The following GALNT13 variants were observed in gnomAD, a reference collection of about 807,000 sequenced individuals.
GALNT13 encodes the protein polypeptide N-acetylgalactosaminyltransferase 13.
A neutral mutation model predicts 64.2 loss-of-function variants in GALNT13; 28 were observed. The ratio of observed to expected loss-of-function variants is 0.44; its 90% CI spans 0.32 to 0.60. The LOEUF (loss-of-function observed/expected upper bound fraction) is 0.60, where lower values mean the gene tolerates loss of function less well. Ranked by LOEUF, GALNT13 falls within the 20% of genes least tolerant of loss-of-function variation. The pLI, the probability that GALNT13 is intolerant of heterozygous loss-of-function variation, is 0.05. For missense variants in GALNT13, 577 were observed against 669.8 expected (o/e 0.86, Z 1.53); for synonymous variants, 214 against 224.6 (o/e 0.95, Z 0.42).
chr2:154,288,870 G>T (rs960346491), intron 8 of GALNT13, among the ~76,000 whole-genome samples: 3 of 152,248 alleles, frequency 2.0e-5, no homozygotes, highest in South Asian at 2.1e-4. Flanking sequence ...GGTGCAAGCT[G>T]TTGGTGGATC....
chr2:153,682,108 T>C, the GALNT13 span, among the ~76,000 whole-genome samples: 29 of 151,758 alleles, frequency 1.9e-4, no homozygotes, highest in African/African-American at 6.8e-4. Context: ...TATTTGACTT[T>C]GGAGAATTTT....
the GALNT13 span, among the ~76,000 whole-genome samples, chr2:153,635,903 G>A: frequency 6.6e-6 from 1 of 151,970 alleles, no homozygotes; most frequent in Non-Finnish European, 1.5e-5. Flanking sequence ...TTTGAGGCAG[G>A]GGTAAAAAGA....
At chr2:153,817,825 A>G in the GALNT13 span, among the ~76,000 whole-genome samples, 3 of 152,242 alleles carry the variant, frequency 2.0e-5, no homozygotes, top group Non-Finnish European at 4.4e-5. Flanking sequence ...CCAAATTTAT[A>G]CCAACTGATT....
intron 9 of GALNT13, among the ~76,000 whole-genome samples, chr2:154,356,914 A>T (rs550340505): frequency 2.0e-5 from 3 of 152,098 alleles, no homozygotes; most frequent in Admixed American, 6.6e-5. Context: ...TACCATAGGT[A>T]TCTGTTTAGG....
At chr2:153,912,124 T>C (rs961964766) in intron 2 of GALNT13, among the ~76,000 whole-genome samples, 1 of 152,196 alleles carries the variant, frequency 6.6e-6, no homozygotes, top group Non-Finnish European at 1.5e-5. Flanking sequence ...TTCTTTATTC[T>C]TGTCTGACTG....
the GALNT13 span, among the ~76,000 whole-genome samples, chr2:153,080,363 G>T: frequency 6.6e-6 from 1 of 152,092 alleles, no homozygotes; most frequent in African/African-American, 2.4e-5. Flanking sequence ...CATAGGTTCA[G>T]ATGTTGTGTA....
At chr2:153,277,398 C>T in the GALNT13 span, among the ~76,000 whole-genome samples, 14 of 152,156 alleles carry the variant, frequency 9.2e-5, no homozygotes, top group South Asian at 2.1e-4. Context: ...TTCTCTTTTC[C>T]GGCTGTGTCG....
the GALNT13 span, among the ~76,000 whole-genome samples, chr2:153,111,763 C>A: frequency 6.6e-6 from 1 of 152,002 alleles, no homozygotes; most frequent in Non-Finnish European, 1.5e-5. Flanking sequence ...CTAATACTAT[C>A]CTTTCCCCAA....
chr2:154,133,560 A>ATG (rs1682765113), intron 3 of GALNT13, among the ~76,000 whole-genome samples: 2 of 46,742 alleles, frequency 4.3e-5, no homozygotes, highest in African/African-American at 1.1e-4. Context: ...ATATATATAT[A>ATG]TATATATATA....
intron 9 of GALNT13, among the ~76,000 whole-genome samples, chr2:154,384,082 T>C (rs1322890076): frequency 6.6e-6 from 1 of 151,912 alleles, no homozygotes; most frequent in African/African-American, 2.4e-5. Flanking sequence ...CTTGGTTTCA[T>C]TAAAAATTTG....
At position 154,201,765 on chromosome 2, in the gene GALNT13, T is replaced by C. The variant is rs141012777; in HGVS notation, c.312-40265T>C. On this transcript the variant is annotated intron_variant, in intron 4 of 12. Transcript: ENST00000392825. ...ATAAGCATGTGTGTTTGGGAATTCT[T>C]TGCTTTTTACTTACAGAACAGGCAT... 2.7e-3 allele frequency among the ~76,000 whole-genome samples: 415 copies of C among 152,236 alleles called. 4 individuals are homozygous for C. Among genetic ancestry groups the C allele is most frequent in the African/African-American group, 9.9e-3 (411 of 41,556 alleles).
chr2:154,007,990 C>T (rs1032932027), intron 3 of GALNT13, among the ~76,000 whole-genome samples: 1 of 152,046 alleles, frequency 6.6e-6, no homozygotes, highest in Non-Finnish European at 1.5e-5. Flanking sequence ...TCAGTGCCCC[C>T]CAACTATTCT....
chr2:153,886,846 T>G (rs1687213133), intron 1 of GALNT13, among the ~76,000 whole-genome samples: 1 of 152,030 alleles, frequency 6.6e-6, no homozygotes, highest in African/African-American at 2.4e-5. Context: ...GCATATTAAC[T>G]TCCTCTTCAT....
the GALNT13 span, among the ~76,000 whole-genome samples, chr2:153,082,135 C>G: frequency 1.3e-5 from 2 of 152,126 alleles, no homozygotes; most frequent in Non-Finnish European, 2.9e-5. Flanking sequence ...ATGTTGAGCA[C>G]CATTTCATGT....
chr2:153,381,407 G>A, the GALNT13 span, among the ~76,000 whole-genome samples: 2 of 152,112 alleles, frequency 1.3e-5, no homozygotes, highest in African/African-American at 2.4e-5. Context: ...AGGAATATTG[G>A]CGAACATCAT....
chr2:153,311,227 A>G, the GALNT13 span, among the ~76,000 whole-genome samples: 574 of 152,346 alleles, frequency 3.8e-3, 3 homozygotes, highest in African/African-American at 0.013. Context: ...AATAGGAACA[A>G]TTTATGTTTT....
At chr2:153,971,612 A>C (rs1343739503) in intron 3 of GALNT13, among the ~76,000 whole-genome samples, 1 of 152,178 alleles carries the variant, frequency 6.6e-6, no homozygotes, top group African/African-American at 2.4e-5. Flanking sequence ...CATAAACAGA[A>C]TATAAGCATG....
At chr2:153,251,553 C>A in the GALNT13 span, among the ~76,000 whole-genome samples, 1 of 152,014 alleles carries the variant, frequency 6.6e-6, no homozygotes, top group Non-Finnish European at 1.5e-5. Context: ...ATGTGCCATG[C>A]TGGTGCGCTG....
chr2:153,555,237 C>A, the GALNT13 span, among the ~76,000 whole-genome samples: 1 of 99,680 alleles, frequency 1.0e-5, no homozygotes, highest in Non-Finnish European at 2.1e-5. Flanking sequence ...CTCTGTCACC[C>A]AGGCTGGAGT....
Sources: gnomAD v4.1 joint callset for allele counts (sites outside exome capture counted in the v4.1 genomes callset) on GRCh38, gnomAD v4.1.1 for gene constraint, MANE v1.5 for transcripts, NCBI Gene and HGNC (gene_info 2026-07-23, HGNC 2026-07-21) for gene names.